FOXN3: variants seen among roughly 807,000 people sequenced by gnomAD.
The protein encoded by FOXN3 is forkhead box N3.
A neutral mutation model predicts 38.4 loss-of-function variants in FOXN3; 7 were observed. The observed-to-expected ratio is 0.18, with a 90% CI of 0.10 to 0.34. The LOEUF (loss-of-function observed/expected upper bound fraction) is 0.34. FOXN3 is among the 10% of genes least tolerant of loss of function. The pLI, the probability that FOXN3 is intolerant of heterozygous loss-of-function variation, is 1.00. For synonymous variants in FOXN3, 230 were observed against 242.2 expected, an observed-to-expected ratio of 0.95 and a Z score of 0.47; for missense variants, 456 against 613.4, an observed-to-expected ratio of 0.74 and a Z score of 2.71.
intron 3 of FOXN3, among the ~76,000 whole-genome samples, chr14:89,337,777 G>A (rs781524579): frequency 1.3e-5 from 2 of 151,942 alleles, no homozygotes; most frequent in Non-Finnish European, 2.9e-5. Context: ...TTACAGGCAC[G>A]TGTCACCAAG....
chr14:89,404,504 C>CAAAAAAAAAA, intron 2 of FOXN3, among the ~76,000 whole-genome samples: 2 of 61,036 alleles, frequency 3.3e-5, no homozygotes, highest in African/African-American at 6.2e-5. Context: ...GACTCTGTCT[C>CAAAAAAAAAA]AAAAAAAAAA....
intron 1 of FOXN3, among the ~76,000 whole-genome samples, chr14:89,568,491 C>T (rs1209719710): frequency 6.6e-6 from 1 of 152,212 alleles, no homozygotes; most frequent in Non-Finnish European, 1.5e-5. Context: ...TTTGCACAGG[C>T]TCTGCCCTCA....
intron 4 of FOXN3, among the ~76,000 whole-genome samples, chr14:89,189,472 C>T (rs3783875): frequency 0.067 from 10,207 of 152,228 alleles, 573 homozygotes; most frequent in East Asian, 0.28. Flanking sequence ...TCCTCACTAC[C>T]GTGTTTCATC....
chr14:89,428,034 A>G (rs979713809), intron 1 of FOXN3, among the ~76,000 whole-genome samples: 15 of 152,216 alleles, frequency 9.9e-5, no homozygotes, highest in Non-Finnish European at 2.2e-4. Flanking sequence ...AAGTCTGCCA[A>G]AGTCTTATCC....
rs528208951 is a variant in FOXN3, at chr14:89,544,743, C to T, written c.-15+74285G>A. Among the ~76,000 whole-genome samples the T allele has an allele frequency of 2.0e-5, 3 of 152,258 alleles. No individual in the cohort carries two copies. In the East Asian group the frequency reaches 5.8e-4, roughly 29 times the overall value. Reference sequence around the variant, plus strand: ...ACACACCTATGTTTTCTCCATCTAACGGAGACAGCTACTGGGTGACTTACA... The same window carrying T: ...ACACACCTATGTTTTCTCCATCTAATGGAGACAGCTACTGGGTGACTTACA... On this transcript the variant is annotated intron_variant, in intron 1 of 6. Coordinates refer to the FOXN3 transcript ENST00000345097.
chr14:89,372,748 T>C (rs764815), intron 2 of FOXN3, among the ~76,000 whole-genome samples: 59,235 of 151,504 alleles, frequency 0.39, 14,022 homozygotes, highest in Admixed American at 0.55. Context: ...CCAGCAAACC[T>C]ACAAGATATA....
At chr14:89,306,983 A>G (rs887415251) in intron 3 of FOXN3, among the ~76,000 whole-genome samples, 10 of 152,236 alleles carry the variant, frequency 6.6e-5, no homozygotes, top group Admixed American at 6.5e-4. Flanking sequence ...CCCTTCATAG[A>G]AAAAGTTTGC....
intron 3 of FOXN3, among the ~76,000 whole-genome samples, chr14:89,332,532 A>G (rs539486247): frequency 6.6e-6 from 1 of 152,216 alleles, no homozygotes; most frequent in East Asian, 1.9e-4. Context: ...TTAAAACGAA[A>G]TTTTCCAGAC....
chr14:89,456,674 T>G (rs2139720731), intron 1 of FOXN3, among the ~76,000 whole-genome samples: 1 of 152,326 alleles, frequency 6.6e-6, no homozygotes, highest in South Asian at 2.1e-4. Context: ...AAGAATCGCT[T>G]GAACCCAGGA....
rs145243931 is a variant in FOXN3, at chr14:89,276,204, G to A, written c.745+4746C>T. Among the ~76,000 whole-genome samples, 662 of 152,230 alleles carry A rather than the reference G, an allele frequency of 4.3e-3. 8 individuals carry two copies. Among genetic ancestry groups the A allele is most frequent in the Admixed American group, 0.022 (334 of 15,294 alleles). On this transcript the variant is annotated intron_variant, in intron 4 of 5. Transcript: ENST00000557258. ...TGAGGCAGAAGAATCACTTGAACCC[G>A]GGAGGCAGAGGTTGCAGTGAGCCAA...
intron 1 of FOXN3, among the ~76,000 whole-genome samples, chr14:89,516,283 G>C (rs1894200790): frequency 6.6e-6 from 1 of 152,154 alleles, no homozygotes; most frequent in Non-Finnish European, 1.5e-5. Context: ...TCTCCTCTCT[G>C]CTTTCTCAGT....
intron 3 of FOXN3, among the ~76,000 whole-genome samples, chr14:89,311,434 T>C (rs2139959758): frequency 7.3e-6 from 1 of 137,060 alleles, no homozygotes; most frequent in Non-Finnish European, 1.5e-5. Flanking sequence ...ATCACGCCAT[T>C]GCACTCCAGC....
At chr14:89,190,619 GA>G (rs1344450420) in intron 4 of FOXN3, among the ~76,000 whole-genome samples, 2 of 152,276 alleles carry the variant, frequency 1.3e-5, no homozygotes, top group African/African-American at 4.8e-5. Flanking sequence ...TTGAGAAGAA[GA>G]AAAGGTATTC....
chr14:89,332,895 T>C (rs1242301765), intron 3 of FOXN3, among the ~76,000 whole-genome samples: 1 of 152,104 alleles, frequency 6.6e-6, no homozygotes, highest in Non-Finnish European at 1.5e-5. Context: ...ATCCCACAAA[T>C]AACCCAGTTT....
rs149265663 is a variant in FOXN3, at chr14:89,160,297, T to A, written c.*2117A>T. On this transcript the variant is annotated 3_prime_UTR_variant, in exon 6 of 6. Coordinates refer to ENST00000557258, the MANE Select transcript of FOXN3 (RefSeq NM_005197.4). ...TTCTGGGCTGCATGACGTTGTCTGG[T>A]TTCTAAATTCAGCTCTCGCAATCTA... 3 of 142,478 alleles carry A rather than the reference T, an allele frequency of 2.1e-5. No individual in the cohort carries two copies. The East Asian group carries it at 6.3e-4, about 30-fold the overall frequency. The allele number at this position is 142,478 out of a possible 1,614,324, so 8.8% of individuals were successfully genotyped here.
chr14:89,553,995 C>T (rs994836163), intron 1 of FOXN3, among the ~76,000 whole-genome samples: 1 of 151,962 alleles, frequency 6.6e-6, no homozygotes, highest in South Asian at 2.1e-4. Context: ...CTTTCTTCTT[C>T]GTTTTTTTTG....
At chr14:89,378,638 T>C (rs1890554090) in intron 2 of FOXN3, among the ~76,000 whole-genome samples, 1 of 151,522 alleles carries the variant, frequency 6.6e-6, no homozygotes, top group African/African-American at 2.4e-5. Context: ...ACAAAAAAAA[T>C]GCAAATAAAA....
At chr14:89,291,384 T>C (rs1340184464) in intron 3 of FOXN3, 4 of 598,268 alleles carry the variant, frequency 6.7e-6, no homozygotes, top group Non-Finnish European at 6.6e-6. Flanking sequence ...TAAGTCTCCA[T>C]GTCACCAGCA....
chr14:89,377,980 G>T (rs753738007), intron 2 of FOXN3, among the ~76,000 whole-genome samples: 6 of 152,352 alleles, frequency 3.9e-5, no homozygotes, highest in Non-Finnish European at 5.9e-5. Context: ...AAGCCAAGAA[G>T]AGAGGCCTGC....
Sources: allele counts gnomAD v4.1 joint callset (sites outside exome capture counted in the v4.1 genomes callset), GRCh38; gene constraint gnomAD v4.1.1; transcripts MANE v1.5; gene names NCBI Gene and HGNC (gene_info 2026-07-23, HGNC 2026-07-21).